ANO10: variants seen among roughly 807,000 people sequenced by gnomAD.
ANO10 encodes anoctamin-10.
Under a neutral mutation model 74.7 loss-of-function variants are expected in ANO10, and 77 were observed. That is an observed-to-expected ratio of 1.03 (90% CI 0.86 to 1.25). The LOEUF is 1.25. ANO10 is among the 50% of genes most tolerant of loss of function. ANO10 has a pLI of 0.00. For missense variants in ANO10, 721 were observed against 778.1 expected, an observed-to-expected ratio of 0.93 and a Z score of 0.87; for synonymous variants, 279 against 284.9, an observed-to-expected ratio of 0.98 and a Z score of 0.21.
chr3:43,414,476 G>C, intron 12 of ANO10, among the ~76,000 whole-genome samples: 1 of 152,204 alleles, frequency 6.6e-6, no homozygotes. Flanking sequence ...TCCCAAAAGA[G>C]ATATCCAACA....
chr3:43,552,720 A>ATG (rs1559688028), intron 10 of ANO10, among the ~76,000 whole-genome samples: 94 of 132,818 alleles, frequency 7.1e-4, no homozygotes, highest in African/African-American at 1.4e-3. Flanking sequence ...ATATATATAT[A>ATG]TATATATATG....
chr3:43,377,751 G>A (rs1455375021), intron 12 of ANO10, among the ~76,000 whole-genome samples: 1 of 152,168 alleles, frequency 6.6e-6, no homozygotes, highest in East Asian at 1.9e-4. Flanking sequence ...AGAAACCCCC[G>A]CAGGCTCCTT....
Position 43,432,422 on chromosome 3 carries a change from A to C in ANO10, c.1914+189T>G, listed in dbSNP as rs11710107. ...ATATTTTTGTTTCTTTAGTTTAGTT[A>C]TTTAAACCTATTTGTTGCTCATATT... On this transcript the variant is annotated intron_variant, in intron 12 of 12. Coordinates refer to ENST00000292246, the MANE Select transcript of ANO10 (RefSeq NM_018075.5). Among the ~76,000 whole-genome samples, 28,395 of 152,006 alleles carry C rather than the reference A, an allele frequency of 0.19. 3,182 individuals carry two copies. Among genetic ancestry groups the C allele is most frequent in the Middle Eastern group, 0.36 (106 of 294 alleles).
intron 11 of ANO10, chr3:43,485,032 C>G: frequency 2.8e-6 from 4 of 1,440,866 alleles, no homozygotes; most frequent in Non-Finnish European, 3.8e-6. Context: ...GGCTCAGGAC[C>G]CGGTGGGGCA....
chr3:43,574,114 T>G (rs2080880229), intron 7 of ANO10, among the ~76,000 whole-genome samples: 1 of 146,866 alleles, frequency 6.8e-6, no homozygotes, highest in African/African-American at 2.5e-5. Context: ...CCATACCCGG[T>G]GAATTTTTTT....
intron 11 of ANO10, among the ~76,000 whole-genome samples, chr3:43,486,121 A>G (rs1220636819): frequency 6.6e-6 from 1 of 152,178 alleles, no homozygotes; most frequent in Non-Finnish European, 1.5e-5. Context: ...TAGGCCTTTC[A>G]CAGATCTGGG....
intron 12 of ANO10, among the ~76,000 whole-genome samples, chr3:43,386,648 C>CGTGTGAGT (rs1553643245): frequency 1.4e-5 from 2 of 139,892 alleles, no homozygotes; most frequent in Non-Finnish European, 3.1e-5. Flanking sequence ...TAGGTGTGTA[C>CGTGTGAGT]GTGTGTGTGT....
intron 11 of ANO10, among the ~76,000 whole-genome samples, chr3:43,540,388 C>T (rs921051363): frequency 1.3e-5 from 2 of 152,168 alleles, no homozygotes; most frequent in African/African-American, 2.4e-5. Context: ...CTTAAAGACA[C>T]TTGTGAAGCA....
chr3:43,678,816 A>C (rs2084156672), intron 1 of ANO10, among the ~76,000 whole-genome samples: 1 of 152,246 alleles, frequency 6.6e-6, no homozygotes, highest in African/African-American at 2.4e-5. Context: ...CTGTATTTGT[A>C]AAATACTTTT....
intron 10 of ANO10, among the ~76,000 whole-genome samples, chr3:43,550,616 T>A (rs1220994982): frequency 2.6e-5 from 4 of 152,214 alleles, no homozygotes; most frequent in Non-Finnish European, 5.9e-5. Flanking sequence ...CCAAACTTAA[T>A]ATGAATACAT....
At chr3:43,676,000 G>A (rs2084116155) in intron 1 of ANO10, among the ~76,000 whole-genome samples, 1 of 152,148 alleles carries the variant, frequency 6.6e-6, no homozygotes, top group African/African-American at 2.4e-5. Context: ...TGTAATAGCT[G>A]AAAACTGGAA....
intron 11 of ANO10, among the ~76,000 whole-genome samples, chr3:43,442,675 A>G (rs2148969273): frequency 6.6e-6 from 1 of 152,354 alleles, no homozygotes; most frequent in Non-Finnish European, 1.5e-5. Flanking sequence ...TTAATCTCCA[A>G]CAGGGTCAGC....
chr3:43,373,324 C>T (rs767396430), intron 12 of ANO10, among the ~76,000 whole-genome samples: 17 of 152,042 alleles, frequency 1.1e-4, no homozygotes, highest in African/African-American at 2.9e-4. Context: ...GGGAGGAGCA[C>T]GGTGCCAAAT....
chr3:43,375,361 T>C (rs560499391), intron 12 of ANO10, among the ~76,000 whole-genome samples: 1 of 150,766 alleles, frequency 6.6e-6, no homozygotes, highest in African/African-American at 2.5e-5. Context: ...TGTAGGAGAA[T>C]CGCTTGAACC....
In ANO10 at chr3:43,366,197, C is replaced by G. The variant is rs980283763; in HGVS notation, c.*709G>C. On this transcript the variant is annotated 3_prime_UTR_variant, in exon 13 of 13. Transcript: ENST00000292246. ...GCAGCAGTTCTCAAAAATGGCCCAG[C>G]CTTCAGCTACAAGCTTTGGTGCCTG... 3 of 154,152 alleles carry G rather than the reference C, an allele frequency of 1.9e-5. No individual in the cohort carries two copies. The highest frequency in any genetic ancestry group is 7.2e-5 in the African/African-American group (3 of 41,476). The allele number at this position is 154,152 out of a possible 1,614,324, so 9.5% of individuals were successfully genotyped here.
intron 12 of ANO10, among the ~76,000 whole-genome samples, chr3:43,396,961 C>T (rs532450125): frequency 7.3e-5 from 11 of 150,872 alleles, no homozygotes; most frequent in Admixed American, 3.3e-4. Flanking sequence ...TGGAGTTTCG[C>T]TCTTGTTGCC....
chr3:43,682,375 A>T, intron 1 of ANO10, among the ~76,000 whole-genome samples: 1 of 152,206 alleles, frequency 6.6e-6, no homozygotes. Flanking sequence ...CCAAGACTAA[A>T]CCAGGAAGAA....
At chr3:43,657,803 T>A (rs561777400) in intron 1 of ANO10, among the ~76,000 whole-genome samples, 2 of 152,300 alleles carry the variant, frequency 1.3e-5, no homozygotes, top group South Asian at 4.1e-4. Flanking sequence ...TACTACAGAT[T>A]ATGCCAAAGA....
At chr3:43,467,618 A>C (rs2075681534) in intron 11 of ANO10, among the ~76,000 whole-genome samples, 1 of 152,202 alleles carries the variant, frequency 6.6e-6, no homozygotes, top group Non-Finnish European at 1.5e-5. Context: ...AGAGGGGAGG[A>C]GGAAACTTTC....
Sources: allele counts gnomAD v4.1 joint callset (sites outside exome capture counted in the v4.1 genomes callset), GRCh38; gene constraint gnomAD v4.1.1; transcripts MANE v1.5; gene names NCBI Gene and HGNC (gene_info 2026-07-23, HGNC 2026-07-21).